Variants in GRHL2 observed in about 807,000 individuals in gnomAD.
GRHL2 encodes the protein grainyhead-like protein 2 homolog.
GRHL2 carries 21 observed loss-of-function variants against 83.8 expected under a neutral mutation model. That is an observed-to-expected ratio of 0.25 (90% CI 0.18 to 0.36). The LOEUF is 0.36. GRHL2 is among the 10% of genes least tolerant of loss of function. GRHL2 has a pLI of 1.00. For synonymous variants in GRHL2, 280 were observed against 278.9 expected, an observed-to-expected ratio of 1.00 and a Z score of -0.04; for missense variants, 623 against 781.8, an observed-to-expected ratio of 0.80 and a Z score of 2.42.
chr8:101,669,892 C>A (rs867898058), downstream of GRHL2, among the ~76,000 whole-genome samples: 1 of 152,094 alleles, frequency 6.6e-6, no homozygotes, highest in Non-Finnish European at 1.5e-5. Context: ...TGTGCTTCAC[C>A]CCAGTGTTAA....
At position 101,660,446 on chromosome 8, in the gene GRHL2, T is replaced by C. The variant is rs567998466; in HGVS notation, c.1699-4008T>C. 2.0e-5 allele frequency among the ~76,000 whole-genome samples: 3 copies of C among 152,324 alleles called. No individual in the cohort carries two copies. The East Asian group carries it at 5.8e-4, about 29-fold the overall frequency. ...TTCAGTGCTTTTCTTTTAAACACCA[T>C]ATAGCTGGGCTTCTTTCTTTATCTT... is the stretch of plus-strand genomic sequence containing the variant. On this transcript the variant is annotated intron_variant, in intron 14 of 15. Transcript: ENST00000646743.
intron 3 of GRHL2, among the ~76,000 whole-genome samples, chr8:101,553,346 T>C (rs1377864752): frequency 6.6e-6 from 1 of 152,158 alleles, no homozygotes; most frequent in Non-Finnish European, 1.5e-5. Flanking sequence ...GTCAGATAAA[T>C]TAAGATTCAA....
At chr8:101,664,788 G>A (rs1490021124) in intron 15 of GRHL2, among the ~76,000 whole-genome samples, 2 of 152,084 alleles carry the variant, frequency 1.3e-5, no homozygotes, top group Non-Finnish European at 2.9e-5. Context: ...TGGAGGTGCT[G>A]TGGACACTGG....
chr8:101,528,916 C>G, intron 1 of GRHL2: 3 of 304,950 alleles, frequency 9.8e-6, no homozygotes, highest in Middle Eastern at 4.0e-4. Flanking sequence ...TGAAGAAGTC[C>G]CAAACCTAGC....
At chr8:101,596,465 A>T (rs1812394105) in intron 7 of GRHL2, among the ~76,000 whole-genome samples, 1 of 152,204 alleles carries the variant, frequency 6.6e-6, no homozygotes, top group African/African-American at 2.4e-5. Flanking sequence ...AGCATATATG[A>T]ATTTTTAGCT....
chr8:101,671,477 G>A (rs1346062065), downstream of GRHL2, among the ~76,000 whole-genome samples: 1 of 145,184 alleles, frequency 6.9e-6, no homozygotes, highest in East Asian at 1.9e-4. Flanking sequence ...GCACCTGCAA[G>A]CTGGGGGAGG....
chr8:101,643,988 G>A (rs1563622356), intron 12 of GRHL2, 143 bp from the exon 13 acceptor site: 10 of 723,744 alleles, frequency 1.4e-5, no homozygotes, highest in Non-Finnish European at 9.9e-6. Flanking sequence ...CCTGCAAGGG[G>A]AAGAAGGAGG....
intron 1 of GRHL2, among the ~76,000 whole-genome samples, chr8:101,514,599 C>T (rs971292044): frequency 4.6e-5 from 7 of 152,168 alleles, no homozygotes; most frequent in African/African-American, 1.4e-4. Flanking sequence ...GGGAGCAGCC[C>T]GTGGGAGGCC....
chr8:101,647,700 T>G (rs1207696674), intron 13 of GRHL2, among the ~76,000 whole-genome samples: 1 of 152,188 alleles, frequency 6.6e-6, no homozygotes, highest in East Asian at 1.9e-4. Context: ...TTATATTTGG[T>G]AAAAAGAAGA....
rs190776821 is a variant in GRHL2 at position 101,536,936 on chromosome 8, C to G, written c.21-6305C>G. 2.6e-5 allele frequency among the ~76,000 whole-genome samples: 4 copies of G among 151,956 alleles called. No individual in the cohort carries two copies. The South Asian group carries it at 6.3e-4, about 24-fold the overall frequency. On this transcript the variant is annotated intron_variant, in intron 1 of 15. Coordinates refer to ENST00000646743, the MANE Select transcript of GRHL2 (RefSeq NM_024915.4). ...CTCTTCCTCCCCTCCCCTCACCCCCCGCCCTCTGGTAGGCACCAGTGTCTG... is the reference window on the plus strand; with the variant it reads ...CTCTTCCTCCCCTCCCCTCACCCCCGGCCCTCTGGTAGGCACCAGTGTCTG...
At chr8:101,522,619 A>G (rs1357782668) in intron 1 of GRHL2, among the ~76,000 whole-genome samples, 1 of 152,138 alleles carries the variant, frequency 6.6e-6, no homozygotes, top group African/African-American at 2.4e-5. Flanking sequence ...GGAGTGGATG[A>G]TCATGAAGAT....
intron 8 of GRHL2, among the ~76,000 whole-genome samples, chr8:101,608,921 A>G (rs12544314): frequency 0.51 from 76,298 of 149,534 alleles, 22,044 homozygotes; most frequent in African/African-American, 0.75. Flanking sequence ...AGAAGAGTGT[A>G]TGGTAGGGAA....
At chr8:101,495,697 G>C (rs536022) in intron 1 of GRHL2, among the ~76,000 whole-genome samples, 123,560 of 152,064 alleles carry the variant, frequency 0.81, 51,708 homozygotes, top group Non-Finnish European at 0.93. Context: ...AACACATTCA[G>C]ATAGGCGTAA....
At chr8:101,535,653 C>T (rs934893037) in intron 1 of GRHL2, among the ~76,000 whole-genome samples, 6 of 152,170 alleles carry the variant, frequency 3.9e-5, no homozygotes, top group Non-Finnish European at 8.8e-5. Context: ...ATTTTCCTGC[C>T]TCAGCCTCCC....
In GRHL2 at chr8:101,552,327, CTTG is replaced by C. The variant is rs373459633; in HGVS notation, c.217-383_217-381del. 9.2e-4 allele frequency among the ~76,000 whole-genome samples: 140 copies of C among 152,284 alleles called. 1 individual carries two copies. The South Asian group carries it at 0.025, about 28-fold the overall frequency. ...TAGCTCCCTGTTCTTTATGGTGACA[CTTG>C]TTGTAACTCTATTATGTTTTTGTCT... On this transcript the variant is annotated intron_variant, in intron 2 of 15. Transcript: ENST00000646743.
At chr8:101,559,604 G>A (rs1005364315) in intron 4 of GRHL2, among the ~76,000 whole-genome samples, 4 of 152,208 alleles carry the variant, frequency 2.6e-5, no homozygotes, top group Admixed American at 6.5e-5. Context: ...GAGAATTTGC[G>A]TTATCAATAA....
chr8:101,611,393 A>G (rs1230310476), intron 8 of GRHL2, among the ~76,000 whole-genome samples: 1 of 150,794 alleles, frequency 6.6e-6, no homozygotes, highest in Non-Finnish European at 1.5e-5. Flanking sequence ...TGACTCCCAC[A>G]GCCACTCCTC....
downstream of GRHL2, among the ~76,000 whole-genome samples, chr8:101,673,397 C>CAA (rs1814240478): frequency 1.3e-5 from 2 of 151,918 alleles, no homozygotes; most frequent in Admixed American, 1.3e-4. Flanking sequence ...GCAGGGGTTG[C>CAA]AATCCTAATC....
chr8:101,519,142 T>A (rs1383830750), intron 1 of GRHL2, among the ~76,000 whole-genome samples: 1 of 152,140 alleles, frequency 6.6e-6, no homozygotes, highest in Non-Finnish European at 1.5e-5. Context: ...CATTTTTAGG[T>A]GTTTCAAGTT....
Sources: allele counts gnomAD v4.1 joint callset (sites outside exome capture counted in the v4.1 genomes callset), GRCh38; gene constraint gnomAD v4.1.1; transcripts MANE v1.5; gene names NCBI Gene and HGNC (gene_info 2026-07-23, HGNC 2026-07-21).